Variants in SLIT1 observed in about 807,000 individuals in gnomAD.
SLIT1 encodes the protein slit homolog 1 protein.
In SLIT1, 66 loss-of-function variants were observed where a neutral mutation model predicts 186.1. The observed-to-expected ratio is 0.35, with a 90% CI of 0.29 to 0.44. The LOEUF is 0.44. SLIT1 is among the 20% of genes least tolerant of loss of function. The pLI is 1.00. For synonymous variants in SLIT1, 761 were observed against 833.8 expected (o/e 0.91, Z 1.50); for missense variants, 1,638 against 2,037.4 (o/e 0.80, Z 3.77).
chr10:97,048,844 CAGGCGGGT>C lies in SLIT1; in HGVS notation c.1465+103_1465+110del. ...ACAGGTAGGCAGGCAGGCAAGTGAG[CAGGCGGGT>C]AGGTGGGCAGGTGGGCAGGTATGCA... On this transcript the variant is annotated intron_variant, in intron 14 of 36. Coordinates refer to ENST00000266058, the MANE Select transcript of SLIT1 (RefSeq NM_003061.3). 7.9e-6 allele frequency: 3 copies of C among 381,592 alleles called. No homozygotes were observed. The South Asian group carries it at 1.2e-4, about 15-fold the overall frequency. The allele number at this position is 381,592 out of a possible 1,614,324, so 23.6% of individuals were successfully genotyped here. A position where few individuals can be genotyped will look rare whatever the true frequency, so the allele number is the denominator to read the frequency against.
intron 4 of SLIT1, among the ~76,000 whole-genome samples, chr10:97,078,377 C>T (rs1294434087): frequency 2.0e-5 from 3 of 152,136 alleles, no homozygotes; most frequent in African/African-American, 7.2e-5. Context: ...CCACCACCAC[C>T]AGAGTTAATG....
intron 4 of SLIT1, among the ~76,000 whole-genome samples, chr10:97,142,938 T>G (rs1849780618): frequency 6.6e-6 from 1 of 152,064 alleles, no homozygotes; most frequent in African/African-American, 2.4e-5. Flanking sequence ...TGATGACATA[T>G]CACCTCATTA....
intron 1 of SLIT1, among the ~76,000 whole-genome samples, chr10:97,170,001 C>CTCACCTCGAGTGGCCATGCCT (rs1421754046): frequency 6.6e-6 from 1 of 152,268 alleles, no homozygotes; most frequent in African/African-American, 2.4e-5. Flanking sequence ...ATCCCATGCC[C>CTCACCTCGAGTGGCCATGCCT]TCACCTCGAG....
chr10:97,051,521 A>G (rs1430106640), intron 13 of SLIT1, among the ~76,000 whole-genome samples: 4 of 142,122 alleles, frequency 2.8e-5, no homozygotes, highest in Non-Finnish European at 6.1e-5. Flanking sequence ...ATTCCAAAAG[A>G]AATGAAAATG....
At chr10:97,140,683 G>A (rs1176284509) in intron 4 of SLIT1, among the ~76,000 whole-genome samples, 1 of 152,212 alleles carries the variant, frequency 6.6e-6, no homozygotes, top group Non-Finnish European at 1.5e-5. Context: ...TTCAAAGGGG[G>A]AAATGAGTCA....
chr10:97,104,789 A>G lies in SLIT1; in HGVS notation c.414-38703T>C, dbSNP rs1162679058. 2.6e-5 allele frequency among the ~76,000 whole-genome samples: 4 copies of G among 151,950 alleles called. No individual in the cohort carries two copies. The East Asian group carries it at 7.7e-4, about 29-fold the overall frequency. ...CTACCCAACGTCACAACCCATCTCAAAGGCCACCTTCTCCATGAATTCATC... is the reference window on the plus strand; with the variant it reads ...CTACCCAACGTCACAACCCATCTCAGAGGCCACCTTCTCCATGAATTCATC... On this transcript the variant is annotated intron_variant, in intron 4 of 36. Transcript: ENST00000266058.
intron 4 of SLIT1, among the ~76,000 whole-genome samples, chr10:97,136,876 T>C (rs1335077089): frequency 1.3e-5 from 2 of 152,144 alleles, no homozygotes; most frequent in East Asian, 1.9e-4. Context: ...ATATTAACAA[T>C]GGAGACAGGA....
intron 4 of SLIT1, among the ~76,000 whole-genome samples, chr10:97,132,647 C>T (rs754473116): frequency 1.3e-5 from 2 of 152,210 alleles, no homozygotes; most frequent in South Asian, 2.1e-4. Flanking sequence ...CCAGCATTTC[C>T]AGGGGTCAGC....
chr10:97,046,812 G>T lies in SLIT1; in HGVS notation c.1710-15C>A. On this transcript the variant is annotated splice_polypyrimidine_tract_variant and intron_variant, in intron 17 of 36. Transcript: ENST00000266058. ...TGCTCAGATTGCTGGGAGAAGAGGC[G>T]GGGGGAGGATTACATATGGCCAGCA... 3 of 1,609,244 alleles carry T rather than the reference G, an allele frequency of 1.9e-6. No individual in the cohort carries two copies. Among genetic ancestry groups the T allele is most frequent in the Non-Finnish European group, 1.7e-6 (2 of 1,179,600 alleles).
intron 21 of SLIT1, among the ~76,000 whole-genome samples, chr10:97,038,924 T>C (rs1848665751): frequency 6.6e-6 from 1 of 152,080 alleles, no homozygotes; most frequent in Non-Finnish European, 1.5e-5. Flanking sequence ...CCATCTTCAG[T>C]CAAAGAAGGT....
chr10:97,059,701 T>C, intron 10 of SLIT1, 170 bp from the exon 11 acceptor site: 1 of 656,672 alleles, frequency 1.5e-6, no homozygotes, highest in South Asian at 1.7e-5. Context: ...GGCCGCTATT[T>C]CCCTGTGCAG....
At chr10:97,140,141 G>A (rs971592033) in intron 4 of SLIT1, among the ~76,000 whole-genome samples, 2 of 152,106 alleles carry the variant, frequency 1.3e-5, no homozygotes, top group Non-Finnish European at 2.9e-5. Flanking sequence ...CCATGGGGAG[G>A]GTGAAAGAGT....
At position 97,027,151 on chromosome 10, in the gene SLIT1, C is replaced by T. The variant is rs552711958; in HGVS notation, c.2582+3606G>A. Among the ~76,000 whole-genome samples, 37 of 152,298 alleles carry T rather than the reference C, an allele frequency of 2.4e-4. No homozygotes were observed. In the East Asian group the frequency reaches 3.9e-3, roughly 16 times the overall value. On this transcript the variant is annotated intron_variant, in intron 25 of 36. Coordinates refer to ENST00000266058, the MANE Select transcript of SLIT1 (RefSeq NM_003061.3). ...TGGATGGTAACTCCTGGCTAACCCT[C>T]GATTGTCACTTGTCATAGAGCCGTG...
chr10:97,141,711 T>C (rs112400908), intron 4 of SLIT1, among the ~76,000 whole-genome samples: 42 of 127,980 alleles, frequency 3.3e-4, no homozygotes, highest in Middle Eastern at 7.8e-3. Flanking sequence ...CGTATTGTAT[T>C]GTACTGTATT....
intron 4 of SLIT1, among the ~76,000 whole-genome samples, chr10:97,136,064 G>A (rs895682207): frequency 2.0e-5 from 3 of 152,114 alleles, no homozygotes; most frequent in Non-Finnish European, 4.4e-5. Context: ...ATTTGGCATT[G>A]GTGATAAATA....
chr10:97,056,181 T>A (rs1848834440), intron 13 of SLIT1, 140 bp downstream of exon 13: 2 of 857,588 alleles, frequency 2.3e-6, no homozygotes, highest in East Asian at 5.3e-5. Flanking sequence ...CTAACCCAGG[T>A]CTGTGTCCTT....
chr10:97,030,855 C>T (rs746219000), intron 24 of SLIT1, 27 bp from the exon 25 acceptor site: 3 of 1,603,234 alleles, frequency 1.9e-6, no homozygotes, highest in South Asian at 1.1e-5. Context: ...CTGCTGGTGC[C>T]TTATCCAGGG....
At chr10:97,123,791 A>G (rs1159176082) in intron 4 of SLIT1, among the ~76,000 whole-genome samples, 2 of 40,074 alleles carry the variant, frequency 5.0e-5, no homozygotes, top group Non-Finnish European at 1.9e-4. Flanking sequence ...CTCTGTCTGA[A>G]AAAAAAAAAA....
At chr10:97,094,999 T>C (rs760984822) in intron 4 of SLIT1, among the ~76,000 whole-genome samples, 1 of 152,126 alleles carries the variant, frequency 6.6e-6, no homozygotes, top group African/African-American at 2.4e-5. Context: ...GAGAGAGAGA[T>C]AGGCCAGGTG....
Sources: gnomAD v4.1 joint callset for allele counts (sites outside exome capture counted in the v4.1 genomes callset) on GRCh38, gnomAD v4.1.1 for gene constraint, MANE v1.5 for transcripts, NCBI Gene and HGNC (gene_info 2026-07-23, HGNC 2026-07-21) for gene names.